Variants in STK4 observed in about 807,000 individuals in gnomAD.
The protein encoded by STK4 is serine/threonine-protein kinase 4.
Under a neutral mutation model 64.9 loss-of-function variants are expected in STK4, and 30 were observed. The ratio of observed to expected loss-of-function variants is 0.46; its 90% CI spans 0.35 to 0.63. STK4 has a LOEUF of 0.63. Ranked by LOEUF, STK4 falls within the 20% of genes least tolerant of loss-of-function variation. STK4 has a pLI of 0.01. For synonymous variants in STK4, 177 were observed against 199.0 expected (o/e 0.89, Z 0.93); for missense variants, 466 against 598.5 (o/e 0.78, Z 2.31).
intron 9 of STK4, among the ~76,000 whole-genome samples, chr20:45,014,950 T>G (rs1194604083): frequency 2.0e-5 from 3 of 152,210 alleles, no homozygotes; most frequent in African/African-American, 7.2e-5. Context: ...AACTTGTACT[T>G]AGTGCATAAG....
At chr20:45,005,584 G>A (rs1413362036) in intron 9 of STK4, among the ~76,000 whole-genome samples, 1 of 146,400 alleles carries the variant, frequency 6.8e-6, no homozygotes, top group Non-Finnish European at 1.5e-5. Context: ...GGAGGCGGAG[G>A]TTGCAGTGAA....
chr20:45,059,807 T>C (rs1248016017), intron 10 of STK4, among the ~76,000 whole-genome samples: 1 of 152,214 alleles, frequency 6.6e-6, no homozygotes, highest in East Asian at 1.9e-4. Context: ...GTAATTTTAT[T>C]GCAAGTAGGA....
intron 10 of STK4, among the ~76,000 whole-genome samples, chr20:45,049,074 A>G (rs547386478): frequency 1.2e-4 from 18 of 152,088 alleles, no homozygotes; most frequent in Non-Finnish European, 2.2e-4. Context: ...GTGCGTATGT[A>G]TGAAAGAGAC....
chr20:44,968,142 CTT>C (rs34448683), intron 1 of STK4, among the ~76,000 whole-genome samples: 2 of 145,616 alleles, frequency 1.4e-5, no homozygotes, highest in African/African-American at 2.5e-5. Context: ...AGTCCATGTT[CTT>C]TTTTTTTTTT....
chr20:44,981,829 C>A lies in STK4; in HGVS notation c.246C>A (p.Ser82Arg). 6.3e-7 allele frequency: 1 copy of A among 1,582,786 alleles called. No homozygotes were observed. Among genetic ancestry groups the A allele is most frequent in the Non-Finnish European group, 8.7e-7 (1 of 1,151,746 alleles). Residue 82 changes from serine (S) to arginine (R), a missense_variant and splice_region_variant, in exon 4 of 11, where the codon AGC becomes AGA. Around this residue, in one of 2 missense-constraint regions of STK4, gnomAD observed 190 missense variants for 289.7 expected, o/e 0.66. Transcript: ENST00000372806. ...ATTTGTATTGTCTCTCTCTCTCTAG[C>A]CCTCATGTAGTCAAATATTATGGCA... ...KEISIMQQCD[S>R]PHVVKYYGSY... is the part of the protein sequence containing the mutation.
At chr20:44,977,404 G>A (rs1465388501) in intron 2 of STK4, among the ~76,000 whole-genome samples, 1 of 152,040 alleles carries the variant, frequency 6.6e-6, no homozygotes, top group African/African-American at 2.4e-5. Context: ...CACCAAGACA[G>A]TGTGAAGATA....
At chr20:45,073,518 T>C (rs1980259427) in intron 10 of STK4, among the ~76,000 whole-genome samples, 2 of 152,092 alleles carry the variant, frequency 1.3e-5, no homozygotes, top group Admixed American at 1.3e-4. Context: ...CCTATACTAC[T>C]TTCCTGTGGA....
At chr20:45,018,742 T>A (rs77542058) in intron 9 of STK4, among the ~76,000 whole-genome samples, 14 of 149,582 alleles carry the variant, frequency 9.4e-5, no homozygotes, top group East Asian at 1.9e-4. Context: ...TTTTTTTTTT[T>A]AATTTGGAGA....
intron 9 of STK4, among the ~76,000 whole-genome samples, chr20:45,009,590 A>G (rs1407404596): frequency 6.6e-6 from 1 of 152,186 alleles, no homozygotes; most frequent in Non-Finnish European, 1.5e-5. Context: ...GCAATTTTAT[A>G]GGAATAGTAT....
intron 10 of STK4, among the ~76,000 whole-genome samples, chr20:45,067,288 G>A (rs913130088): frequency 3.3e-5 from 5 of 152,088 alleles, no homozygotes; most frequent in Admixed American, 1.3e-4. Context: ...CACCTGAGAC[G>A]GGATCAGTCT....
rs972348668 is a variant in STK4 at position 44,997,383 on chromosome 20, G to A, written c.831+77G>A. The stretch of plus-strand genomic sequence containing the variant: ...CAAAAGATGCCATGAGGTCACCTAC[G>A]TGGAGATAGTAAAGAAGTATAAGGC... On this transcript the variant is annotated intron_variant, in intron 7 of 10. Transcript: ENST00000372806. 140 of 1,509,060 alleles carry A rather than the reference G, an allele frequency of 9.3e-5. 1 individual carries two copies. Among genetic ancestry groups the A allele is most frequent in the South Asian group, 1.9e-4 (14 of 74,184 alleles). 93.5% of individuals were successfully genotyped at this position (1,509,060 alleles called of 1,614,324 possible). A position where few individuals can be genotyped will look rare whatever the true frequency, so the allele number is the denominator to read the frequency against.
At chr20:45,037,369 C>T (rs927017374) in intron 10 of STK4, among the ~76,000 whole-genome samples, 1 of 151,872 alleles carries the variant, frequency 6.6e-6, no homozygotes, top group African/African-American at 2.4e-5. Context: ...GCCCAATGTA[C>T]CCTTTTTTGC....
At chr20:45,043,902 C>T (rs76689332) in intron 10 of STK4, among the ~76,000 whole-genome samples, 4,276 of 152,198 alleles carry the variant, frequency 0.028, 187 homozygotes, top group African/African-American at 0.092. Context: ...GTAAATTTCA[C>T]TACCTAAACT....
intron 9 of STK4, among the ~76,000 whole-genome samples, chr20:45,018,765 C>A (rs957557018): frequency 5.7e-5 from 8 of 140,280 alleles, no homozygotes; most frequent in Admixed American, 2.9e-4. Flanking sequence ...GGATCTTGGT[C>A]TGTTGCCCAG....
chr20:44,994,603 A>G (rs1180854856), intron 5 of STK4, among the ~76,000 whole-genome samples: 1 of 151,934 alleles, frequency 6.6e-6, no homozygotes, highest in Admixed American at 6.6e-5. Context: ...CTCCCCCATT[A>G]CAGACATTTC....
rs1210052606 is a variant in STK4, at chr20:45,000,413, A to G, written c.853A>G (p.Lys285Glu). ...TTAGCACCCATTTGTCAGGAGTGCC[A>G]AAGGAGTGTCAATACTGCGAGACTT... The part of the protein sequence containing the change: ...LLQHPFVRSA[K>E]GVSILRDLIN... The change falls in exon 8 of 11, where the codon AAA becomes GAA. Residue 285 changes from lysine (K) to glutamate (E), a missense_variant. Around this residue, in one of 2 missense-constraint regions of STK4, gnomAD observed 276 missense variants for 308.9 expected, o/e 0.89. Coordinates refer to ENST00000372806, the MANE Select transcript of STK4 (RefSeq NM_006282.5). 1 of 1,613,982 alleles carries G rather than the reference A, an allele frequency of 6.2e-7. No homozygotes were observed. Among genetic ancestry groups the G allele is most frequent in the Admixed American group, 1.7e-5 (1 of 60,006 alleles).
At position 45,013,220 on chromosome 20, in the gene STK4, T is replaced by C. The variant is rs981537909; in HGVS notation, c.1148-11753T>C. 4.6e-5 allele frequency among the ~76,000 whole-genome samples: 7 copies of C among 152,166 alleles called. No homozygotes were observed. In the Middle Eastern group the frequency reaches 0.01, roughly 222 times the overall value. Reference sequence around the variant, plus strand: ...GGGATTTTTTACCATGGAGTCTGATTTTGCAGCAGAATTTGGTCGATACCC... The same window carrying C: ...GGGATTTTTTACCATGGAGTCTGATCTTGCAGCAGAATTTGGTCGATACCC... On this transcript the variant is annotated intron_variant, in intron 9 of 10. Transcript: ENST00000372806.
rs544063138 is a variant in STK4 at position 45,005,505 on chromosome 20, G to C, written c.1147+4152G>C. Among the ~76,000 whole-genome samples the C allele has an allele frequency of 7.9e-5, 12 of 152,010 alleles. 1 individual carries two copies. In the South Asian group the frequency reaches 2.1e-3, roughly 26 times the overall value. On this transcript the variant is annotated intron_variant, in intron 9 of 10. Coordinates refer to ENST00000372806, the MANE Select transcript of STK4 (RefSeq NM_006282.5). ...CTAAACAAAATACAAAATATTAGCC[G>C]GGCATGGTGGCAGGCGCCTATAGTC...
chr20:45,017,537 A>T lies in STK4; in HGVS notation c.1148-7436A>T, dbSNP rs553278259. 8.7e-4 allele frequency among the ~76,000 whole-genome samples: 132 copies of T among 152,304 alleles called. 2 individuals are homozygous for T. The highest frequency in any genetic ancestry group is 3.1e-3 in the African/African-American group (128 of 41,572). On this transcript the variant is annotated intron_variant, in intron 9 of 10. Transcript: ENST00000372806. ...TCATTATTCAGGTTGGCCGAAGCAG[A>T]TGTGGGTGTTGACTGGATTTTGGAA...
Sources: allele counts gnomAD v4.1 joint callset (sites outside exome capture counted in the v4.1 genomes callset), GRCh38; gene constraint gnomAD v4.1.1; regional missense constraint gnomAD v4.1.1; transcripts MANE v1.5; gene names NCBI Gene and HGNC (gene_info 2026-07-23, HGNC 2026-07-21).